The following MGAT4C variants were observed in gnomAD, a reference collection of about 807,000 sequenced individuals.
The protein encoded by MGAT4C is alpha-1,3-mannosyl-glycoprotein 4-beta-N-acetylglucosaminyltransferase C.
In MGAT4C, 19 loss-of-function variants were observed where a neutral mutation model predicts 40.1. The observed-to-expected ratio is 0.47, with a 90% CI of 0.33 to 0.70. The LOEUF (loss-of-function observed/expected upper bound fraction) is 0.70, where lower values mean the gene tolerates loss of function less well. MGAT4C is among the 30% of genes least tolerant of loss of function. The pLI, the probability that MGAT4C is intolerant of heterozygous loss-of-function variation, is 0.02. For synonymous variants in MGAT4C, 181 were observed against 187.1 expected, an observed-to-expected ratio of 0.97 and a Z score of 0.27; for missense variants, 491 against 563.2, an observed-to-expected ratio of 0.87 and a Z score of 1.30.
At chr12:86,051,839 C>A (rs1892925279) in intron 1 of MGAT4C, among the ~76,000 whole-genome samples, 1 of 151,066 alleles carries the variant, frequency 6.6e-6, no homozygotes, top group African/African-American at 2.4e-5. Flanking sequence ...TGACTGTCTC[C>A]TTTCTGAAGC....
At position 86,821,864 on chromosome 12, in the gene MGAT4C, T is replaced by A. The variant is rs936460286; in HGVS notation, c.-262+16802A>T. The stretch of plus-strand genomic sequence containing the variant: ...TTGGAGATAATATGAGAAAGACAAC[T>A]GACACATGCTTGTGATTCTTTATCT... On this transcript the variant is annotated intron_variant, in intron 1 of 7. Transcript: ENST00000548651. Among the ~76,000 whole-genome samples the A allele has an allele frequency of 4.6e-5, 7 of 151,006 alleles. No individual in the cohort carries two copies. In the East Asian group the frequency reaches 1.4e-3, roughly 29 times the overall value.
intron 4 of MGAT4C, among the ~76,000 whole-genome samples, chr12:86,292,199 C>A (rs2136129200): frequency 6.6e-6 from 1 of 152,058 alleles, no homozygotes; most frequent in Non-Finnish European, 1.5e-5. Flanking sequence ...GGTGGTACAG[C>A]AATTAGTGTT....
At chr12:86,321,818 T>C (rs1954396332) in intron 4 of MGAT4C, among the ~76,000 whole-genome samples, 1 of 152,090 alleles carries the variant, frequency 6.6e-6, no homozygotes, top group Non-Finnish European at 1.5e-5. Context: ...AGTGTGGAGA[T>C]TCCTCAGGGA....
intron 1 of MGAT4C, among the ~76,000 whole-genome samples, chr12:86,086,668 G>A (rs1199393670): frequency 2.0e-5 from 3 of 151,720 alleles, no homozygotes; most frequent in East Asian, 1.9e-4. Flanking sequence ...TCATTTCTTT[G>A]TGTTAGGAAC....
chr12:86,699,764 A>G lies in MGAT4C; in HGVS notation c.-229+27445T>C, dbSNP rs191397655. Among the ~76,000 whole-genome samples, 335 of 152,282 alleles carry G rather than the reference A, an allele frequency of 2.2e-3. 1 individual carries two copies. The highest frequency in any genetic ancestry group is 3.5e-3 in the Non-Finnish European group (241 of 68,018). On this transcript the variant is annotated intron_variant, in intron 2 of 7. Coordinates refer to the MGAT4C transcript ENST00000548651. ...GGTAGAGAAAAAAATGTCATTAAGG[A>G]AATCATAAAAAGTAGAAAATTTATT...
intron 2 of MGAT4C, among the ~76,000 whole-genome samples, chr12:86,673,124 G>A (rs1389830773): frequency 2.0e-5 from 3 of 152,004 alleles, no homozygotes; most frequent in African/African-American, 7.2e-5. Context: ...TAAAAATTAC[G>A]TTCACATTTT....
In MGAT4C at chr12:86,118,632, G is replaced by C. The variant is rs11117192; in HGVS notation, c.-56-68909C>G. Among the ~76,000 whole-genome samples the C allele has an allele frequency of 5.2e-3, 788 of 152,122 alleles. 8 individuals carry two copies. The highest frequency in any genetic ancestry group is 0.018 in the African/African-American group (751 of 41,490). On this transcript the variant is annotated intron_variant, in intron 1 of 4. Coordinates refer to ENST00000611864, the MANE Select transcript of MGAT4C (RefSeq NM_001351288.2). ...GCCAAAACTGAGCCATTTTTTATTAGTGAAAAATGATATGTTTATAAACCA... is the reference window on the plus strand; with the variant it reads ...GCCAAAACTGAGCCATTTTTTATTACTGAAAAATGATATGTTTATAAACCA...
At chr12:86,623,662 A>G (rs945554681) in intron 2 of MGAT4C, among the ~76,000 whole-genome samples, 2 of 152,198 alleles carry the variant, frequency 1.3e-5, no homozygotes, top group African/African-American at 4.8e-5. Context: ...ACAGAATATG[A>G]TCATCTGAAA....
chr12:86,409,709 G>A (rs918302073), intron 3 of MGAT4C, among the ~76,000 whole-genome samples: 17 of 152,142 alleles, frequency 1.1e-4, no homozygotes, highest in Non-Finnish European at 2.1e-4. Flanking sequence ...GTAATCCCCA[G>A]TGTTGGAGGA....
At chr12:86,805,921 T>A (rs1430055075) in intron 1 of MGAT4C, among the ~76,000 whole-genome samples, 2 of 151,992 alleles carry the variant, frequency 1.3e-5, no homozygotes, top group East Asian at 1.9e-4. Flanking sequence ...ATGACTGGTA[T>A]GAGATGGTAT....
At chr12:86,674,469 G>A (rs1459531471) in intron 2 of MGAT4C, among the ~76,000 whole-genome samples, 1 of 152,120 alleles carries the variant, frequency 6.6e-6, no homozygotes, top group African/African-American at 2.4e-5. Flanking sequence ...GGCGAGATGG[G>A]AGAATCACCA....
intron 3 of MGAT4C, among the ~76,000 whole-genome samples, chr12:86,399,751 A>G (rs1456503213): frequency 6.6e-6 from 1 of 152,058 alleles, no homozygotes; most frequent in Non-Finnish European, 1.5e-5. Context: ...AGAGTGTTGC[A>G]CCCCAACTCC....
chr12:86,110,296 C>CTATTTATATAG (rs375212206), intron 1 of MGAT4C, among the ~76,000 whole-genome samples: 1 of 18,936 alleles, frequency 5.3e-5, no homozygotes, highest in Non-Finnish European at 9.4e-5. Flanking sequence ...TATATATAGT[C>CTATTTATATAG]TCTCTATATA....
intron 2 of MGAT4C, among the ~76,000 whole-genome samples, chr12:86,022,988 C>G (rs1397863749): frequency 6.6e-6 from 1 of 152,026 alleles, no homozygotes; most frequent in Non-Finnish European, 1.5e-5. Context: ...AAGTGACATA[C>G]AGAGTGTAAC....
chr12:86,427,848 G>A (rs779498731), intron 3 of MGAT4C, among the ~76,000 whole-genome samples: 6 of 151,998 alleles, frequency 3.9e-5, no homozygotes, highest in African/African-American at 4.8e-5. Flanking sequence ...GTGAAACCCC[G>A]TCTCTACTAA....
chr12:86,656,568 A>G (rs1364384892), intron 2 of MGAT4C, among the ~76,000 whole-genome samples: 2 of 152,032 alleles, frequency 1.3e-5, no homozygotes, highest in Non-Finnish European at 2.9e-5. Flanking sequence ...TATTTCAAAC[A>G]TGTGTGCTGG....
chr12:86,166,586 C>A (rs1391839224), intron 1 of MGAT4C, among the ~76,000 whole-genome samples: 1 of 152,098 alleles, frequency 6.6e-6, no homozygotes, highest in Non-Finnish European at 1.5e-5. Context: ...GCATGAGAAT[C>A]ATTTGAAACC....
At chr12:86,008,589 T>C (rs1199993986) in intron 2 of MGAT4C, among the ~76,000 whole-genome samples, 2 of 152,124 alleles carry the variant, frequency 1.3e-5, no homozygotes, top group Non-Finnish European at 2.9e-5. Context: ...ATTTTGTTGC[T>C]GTTATTGCTG....
intron 3 of MGAT4C, among the ~76,000 whole-genome samples, chr12:86,362,103 T>A (rs911458081): frequency 6.6e-6 from 1 of 152,184 alleles, no homozygotes; most frequent in Admixed American, 6.5e-5. Context: ...CCATCAATGA[T>A]AGACTGGATT....
Sources: allele counts gnomAD v4.1 joint callset (sites outside exome capture counted in the v4.1 genomes callset), GRCh38; gene constraint gnomAD v4.1.1; transcripts MANE v1.5; gene names NCBI Gene and HGNC (gene_info 2026-07-23, HGNC 2026-07-21).